IPMK: variants seen among roughly 807,000 people sequenced by gnomAD.
IPMK encodes the protein inositol polyphosphate multikinase, also known as inositol 1,3,4,6-tetrakisphosphate 5-kinase.
A neutral mutation model predicts 45.8 loss-of-function variants in IPMK; 17 were observed. The observed-to-expected ratio is 0.37, with a 90% CI of 0.25 to 0.56. The LOEUF is 0.56. IPMK is among the 20% of genes least tolerant of loss of function. The pLI, the probability that IPMK is intolerant of heterozygous loss-of-function variation, is 0.79. For missense variants in IPMK, 399 were observed against 498.0 expected, an observed-to-expected ratio of 0.80 and a Z score of 1.89; for synonymous variants, 180 against 184.3, an observed-to-expected ratio of 0.98 and a Z score of 0.19.
At position 58,267,648 on chromosome 10, in the gene IPMK, G is replaced by GA. The variant is rs778262151; in HGVS notation, c.-38dup. ...GAAGCGGTAACGGCAGCGAGAGTAG[G>GA]AAAAAAAATAGGGCGAGGGAGGGGG... On this transcript the variant is annotated 5_prime_UTR_variant, in exon 1 of 6. Transcript: ENST00000373935. 5.5e-5 allele frequency: 79 copies of GA among 1,447,384 alleles called. No individual in the cohort carries two copies. Among genetic ancestry groups the GA allele is most frequent in the Middle Eastern group, 4.8e-4 (2 of 4,158 alleles). The allele number at this position is 1,447,384 out of a possible 1,614,324, so 89.7% of individuals were successfully genotyped here. A position where few individuals can be genotyped will look rare whatever the true frequency, so the allele number is the denominator to read the frequency against.
intron 4 of IPMK, among the ~76,000 whole-genome samples, chr10:58,211,848 G>T (rs1838164937): frequency 7.1e-6 from 1 of 140,828 alleles, no homozygotes; most frequent in African/African-American, 2.8e-5. Context: ...AGGGGTTGAG[G>T]CTGCAGGGAG....
At chr10:58,216,092 A>G (rs1838240763) in intron 4 of IPMK, 53 bp downstream of exon 4, 1 of 1,160,160 alleles carries the variant, frequency 8.6e-7, no homozygotes, top group South Asian at 2.4e-5. Flanking sequence ...ATAATTTTCA[A>G]GGGAAGAACA....
At chr10:58,234,680 A>G (rs374048892) in intron 2 of IPMK, among the ~76,000 whole-genome samples, 5,114 of 152,212 alleles carry the variant, frequency 0.034, 134 homozygotes, top group African/African-American at 0.074. Context: ...ATGGATTAAA[A>G]ACTTAAATGT....
rs750293764 is a variant in IPMK at position 58,196,012 on chromosome 10, C to A, written c.*64G>T. On this transcript the variant is annotated 3_prime_UTR_variant, in exon 6 of 6. Coordinates refer to ENST00000373935, the MANE Select transcript of IPMK (RefSeq NM_152230.5). ...AATTTTTTACATAGCATTAAAGGTG[C>A]AGATATTGACTGCCCCTCTTCATTA... 2.6e-4 allele frequency: 374 copies of A among 1,447,380 alleles called. 1 individual carries two copies. In the Middle Eastern group the frequency reaches 2.9e-3, roughly 11 times the overall value. 89.7% of individuals were successfully genotyped at this position (1,447,380 alleles called of 1,614,324 possible).
chr10:58,251,546 C>G (rs564770018), intron 1 of IPMK, among the ~76,000 whole-genome samples: 1 of 152,136 alleles, frequency 6.6e-6, no homozygotes, highest in East Asian at 1.9e-4. Flanking sequence ...ATTTTCCTAT[C>G]TGGATCATGT....
chr10:58,210,782 A>G (rs1001546431), intron 4 of IPMK, among the ~76,000 whole-genome samples: 1 of 152,030 alleles, frequency 6.6e-6, no homozygotes, highest in Admixed American at 6.6e-5. Context: ...CCCCCCTCAC[A>G]CTTTGGGAAT....
In IPMK at chr10:58,196,708, G is replaced by T. The variant is rs1837900802; in HGVS notation, c.629-10C>A. On this transcript the variant is annotated splice_polypyrimidine_tract_variant and intron_variant, in intron 5 of 5. Coordinates refer to ENST00000373935, the MANE Select transcript of IPMK (RefSeq NM_152230.5). The stretch of plus-strand genomic sequence containing the variant: ...AAAAATCTGGAGACTCCTATAAAAA[G>T]AAAAATATGAGCGTTATAATCAAAT... The T allele has an allele frequency of 2.0e-6, 3 of 1,507,906 alleles. No individual in the cohort carries two copies. The East Asian group carries it at 6.8e-5, about 34-fold the overall frequency. The allele number at this position is 1,507,906 out of a possible 1,614,324, so 93.4% of individuals were successfully genotyped here. A position where few individuals can be genotyped will look rare whatever the true frequency, so the allele number is the denominator to read the frequency against.
intron 4 of IPMK, among the ~76,000 whole-genome samples, chr10:58,215,557 C>A (rs147748668): frequency 6.6e-6 from 1 of 151,680 alleles, no homozygotes; most frequent in East Asian, 1.9e-4. Context: ...TATAGGCACA[C>A]GCTACCTCTC....
chr10:58,237,654 G>C, intron 2 of IPMK, 75 bp downstream of exon 2: 1 of 1,066,190 alleles, frequency 9.4e-7, no homozygotes. Context: ...TCAAATATGT[G>C]TCTTACTGTG....
intron 3 of IPMK, among the ~76,000 whole-genome samples, chr10:58,222,649 G>C (rs1196533199): frequency 6.6e-6 from 1 of 152,128 alleles, no homozygotes; most frequent in Non-Finnish European, 1.5e-5. Flanking sequence ...AGAGGCTATG[G>C]CTAATAACCT....
rs1029115107 is a variant in IPMK at position 58,242,669 on chromosome 10, C to T, written c.191-4855G>A. 2.7e-5 allele frequency among the ~76,000 whole-genome samples: 4 copies of T among 150,702 alleles called. No individual in the cohort carries two copies. In the South Asian group the frequency reaches 8.4e-4, roughly 32 times the overall value. On this transcript the variant is annotated intron_variant, in intron 1 of 5. Transcript: ENST00000373935. ...AATAGAAATTATACAAATTGAAACA[C>T]AAAGGGAGAAAAAATAAAAAGGAAG...
At chr10:58,250,077 G>A (rs1050579054) in intron 1 of IPMK, among the ~76,000 whole-genome samples, 31 of 152,118 alleles carry the variant, frequency 2.0e-4, no homozygotes, top group African/African-American at 7.0e-4. Flanking sequence ...ATGGTGTTTT[G>A]GATATTACAG....
At chr10:58,215,295 C>A (rs1381022873) in intron 4 of IPMK, among the ~76,000 whole-genome samples, 1 of 152,118 alleles carries the variant, frequency 6.6e-6, no homozygotes, top group East Asian at 1.9e-4. Flanking sequence ...AAAAGAACTG[C>A]ACACTTGAGA....
chr10:58,237,714 T>C lies in IPMK; in HGVS notation c.276+15A>G. 1 of 1,593,300 alleles carries C rather than the reference T, an allele frequency of 6.3e-7. No homozygotes were observed. On this transcript the variant is annotated intron_variant, in intron 2 of 5. Coordinates refer to ENST00000373935, the MANE Select transcript of IPMK (RefSeq NM_152230.5). ...AACACTTTGAAGACAACAAAACAAA[T>C]CTTACCTCACTTACCATATTATAGA...
intron 1 of IPMK, among the ~76,000 whole-genome samples, chr10:58,264,875 G>A (rs1217406401): frequency 2.0e-5 from 3 of 152,034 alleles, no homozygotes; most frequent in Non-Finnish European, 2.9e-5. Flanking sequence ...AAACAGAACC[G>A]CGCTAATGTG....
intron 1 of IPMK, among the ~76,000 whole-genome samples, chr10:58,262,112 G>A (rs1464279955): frequency 6.6e-6 from 1 of 152,092 alleles, no homozygotes; most frequent in Non-Finnish European, 1.5e-5. Flanking sequence ...GGGGATGGGG[G>A]AGGGATAGCA....
At chr10:58,207,161 C>G (rs375353387) in intron 4 of IPMK, among the ~76,000 whole-genome samples, 5 of 152,162 alleles carry the variant, frequency 3.3e-5, no homozygotes, top group Non-Finnish European at 7.3e-5. Flanking sequence ...CACCACCAAG[C>G]CTGGCTAAAT....
chr10:58,248,668 C>T (rs1479180008), intron 1 of IPMK, among the ~76,000 whole-genome samples: 1 of 152,064 alleles, frequency 6.6e-6, no homozygotes, highest in African/African-American at 2.4e-5. Flanking sequence ...ATTTTTGCAC[C>T]CGTTAAACAA....
intron 2 of IPMK, among the ~76,000 whole-genome samples, chr10:58,228,671 C>T (rs1838458954): frequency 6.6e-6 from 1 of 152,146 alleles, no homozygotes; most frequent in African/African-American, 2.4e-5. Flanking sequence ...GTAGCTGGGA[C>T]TACAGGCGTC....
Sources: gnomAD v4.1 joint callset for allele counts (sites outside exome capture counted in the v4.1 genomes callset) on GRCh38, gnomAD v4.1.1 for gene constraint, MANE v1.5 for transcripts, NCBI Gene and HGNC (gene_info 2026-07-23, HGNC 2026-07-21) for gene names.